The following UBXN2A variants were observed in gnomAD, a reference collection of about 807,000 sequenced individuals.
The protein encoded by UBXN2A is UBX domain protein 2A.
A neutral mutation model predicts 28.4 loss-of-function variants in UBXN2A; 28 were observed. The ratio of observed to expected loss-of-function variants is 0.99; its 90% CI spans 0.73 to 1.35. UBXN2A has a LOEUF of 1.35. Ranked by LOEUF, UBXN2A falls within the 40% of genes most tolerant of loss-of-function variation. The pLI is 0.00. For missense variants in UBXN2A, 253 were observed against 297.9 expected, an observed-to-expected ratio of 0.85 and a Z score of 1.11; for synonymous variants, 97 against 103.6, an observed-to-expected ratio of 0.94 and a Z score of 0.39.
At chr2:23,965,374 G>A (rs1249127249) in intron 2 of UBXN2A, among the ~76,000 whole-genome samples, 1 of 152,178 alleles carries the variant, frequency 6.6e-6, no homozygotes, top group African/African-American at 2.4e-5. Flanking sequence ...TGTTTACCAA[G>A]TTGAGAAAGT....
At position 23,999,710 on chromosome 2, in the gene UBXN2A, G is replaced by A. The variant is rs1708668985; in HGVS notation, c.623G>A (p.Gly208Glu). The A allele has an allele frequency of 6.2e-7, 1 of 1,613,954 alleles. No individual in the cohort carries two copies. Among genetic ancestry groups the A allele is most frequent in the African/African-American group, 1.3e-5 (1 of 74,998 alleles). ...AAAGACTTCATTGAAAAATACCAAG[G>A]ATCTCAAAGAAGTCCTCCGTTTTCC... ...HIKDFIEKYQGSQRSPPFSLA... is the reference protein window; with the variant it reads ...HIKDFIEKYQESQRSPPFSLA... Residue 208 changes from glycine (G) to glutamate (E), a missense_variant, in exon 7 of 7, where the codon GGA (glycine) becomes GAA (glutamate). Transcript: ENST00000309033.
At chr2:23,953,791 T>C (rs1016052204) in intron 1 of UBXN2A, among the ~76,000 whole-genome samples, 1 of 152,230 alleles carries the variant, frequency 6.6e-6, no homozygotes, top group Admixed American at 6.5e-5. Context: ...CATCTGATTA[T>C]GCTCCTTTGT....
intron 2 of UBXN2A, among the ~76,000 whole-genome samples, chr2:23,964,598 G>A (rs1707088471): frequency 6.6e-6 from 1 of 152,160 alleles, no homozygotes; most frequent in South Asian, 2.1e-4. Context: ...GGGGCTAGGG[G>A]AAAGTGAAAA....
intron 4 of UBXN2A, among the ~76,000 whole-genome samples, chr2:23,980,393 A>T (rs1305036982): frequency 6.6e-6 from 1 of 152,142 alleles, no homozygotes; most frequent in Non-Finnish European, 1.5e-5. Context: ...ACCATTTAAC[A>T]TTTCTACCAG....
At chr2:23,988,312 G>T (rs12618362) in intron 6 of UBXN2A, among the ~76,000 whole-genome samples, 1 of 152,044 alleles carries the variant, frequency 6.6e-6, no homozygotes, top group Non-Finnish European at 1.5e-5. Context: ...TCGACTAATA[G>T]ACCCTAATTC....
upstream of UBXN2A, among the ~76,000 whole-genome samples, chr2:23,938,977 T>G (rs1047620129): frequency 6.6e-6 from 1 of 152,230 alleles, no homozygotes; most frequent in African/African-American, 2.4e-5. Flanking sequence ...GCAGTGAGAT[T>G]TGAACTCACC....
chr2:23,973,081 A>G (rs1306696761), intron 3 of UBXN2A, among the ~76,000 whole-genome samples: 1 of 150,442 alleles, frequency 6.6e-6, no homozygotes, highest in East Asian at 2.0e-4. Flanking sequence ...GTGCAATGGC[A>G]CGATCTCAGC....
chr2:23,995,532 A>C (rs1708496130), intron 6 of UBXN2A, among the ~76,000 whole-genome samples: 1 of 151,962 alleles, frequency 6.6e-6, no homozygotes, highest in African/African-American at 2.4e-5. Flanking sequence ...TCTACTAAAA[A>C]TACAAAAAAA....
intron 6 of UBXN2A, 131 bp from the exon 7 acceptor site, chr2:23,999,541 A>C: frequency 9.9e-7 from 1 of 1,007,504 alleles, no homozygotes; most frequent in East Asian, 2.6e-5. Context: ...ACTGCACTGC[A>C]TCCTGGGTGA....
chr2:23,956,837 C>T (rs139475783), intron 1 of UBXN2A, among the ~76,000 whole-genome samples: 3 of 152,288 alleles, frequency 2.0e-5, no homozygotes, highest in African/African-American at 7.2e-5. Flanking sequence ...TCTGGTATGT[C>T]ATTGCTTCCA....
At position 23,992,002 on chromosome 2, in the gene UBXN2A, T is replaced by C. The variant is rs1708372974; in HGVS notation, c.584+7171T>C. 3.9e-5 allele frequency among the ~76,000 whole-genome samples: 6 copies of C among 152,190 alleles called. No homozygotes were observed. In the South Asian group the frequency reaches 1.2e-3, roughly 32 times the overall value. ...TTGTTTTGTTTTTTGAGATGGAGTC[T>C]TGCTCTGTCGCCAGGCTGGAATGCA... On this transcript the variant is annotated intron_variant, in intron 6 of 6. Transcript: ENST00000309033.
At chr2:23,950,962 AGCCACCATGCCTG>A (rs1211802767) in intron 1 of UBXN2A, among the ~76,000 whole-genome samples, 2 of 150,922 alleles carry the variant, frequency 1.3e-5, no homozygotes, top group African/African-American at 2.4e-5. Context: ...TACAGGCATG[AGCCACCATGCCTG>A]GCCTATTCAT....
At chr2:23,985,661 G>A (rs372500560) in intron 6 of UBXN2A, among the ~76,000 whole-genome samples, 3 of 150,792 alleles carry the variant, frequency 2.0e-5, no homozygotes, top group Non-Finnish European at 2.9e-5. Flanking sequence ...GTAGAGTGGC[G>A]CGAGCCACCG....
intron 1 of UBXN2A, among the ~76,000 whole-genome samples, chr2:23,941,308 CTGGCCGGTTGCAGTT>C (rs1705746079): frequency 1.3e-5 from 2 of 152,206 alleles, no homozygotes; most frequent in South Asian, 2.1e-4. Context: ...AGTATGAAGT[CTGGCCGGTTGCAGTT>C]TGTTTTTAGG....
intron 2 of UBXN2A, among the ~76,000 whole-genome samples, chr2:23,965,266 G>T (rs905495638): frequency 6.6e-6 from 1 of 152,128 alleles, no homozygotes; most frequent in Non-Finnish European, 1.5e-5. Flanking sequence ...ATGAGGAATG[G>T]TGAGACGCAG....
At chr2:23,939,867 T>A (rs1048848268), upstream of UBXN2A, among the ~76,000 whole-genome samples, 4 of 152,016 alleles carry the variant, frequency 2.6e-5, no homozygotes, top group African/African-American at 7.2e-5. Flanking sequence ...CCCAGCACAT[T>A]GGGAGACCAA....
chr2:24,004,721 A>AT lies in UBXN2A; in HGVS notation c.*4861dup, dbSNP rs1002427348. On this transcript the variant is annotated 3_prime_UTR_variant, in exon 7 of 7. Coordinates refer to ENST00000309033, the MANE Select transcript of UBXN2A (RefSeq NM_181713.4). ...GTGGTTTATTGGTTAATTACTATGC[A>AT]TTTTTTTCAGTTTAAAAAATAATCT... 5.9e-5 allele frequency: 9 copies of AT among 152,130 alleles called. No individual in the cohort carries two copies. Among genetic ancestry groups the AT allele is most frequent in the Admixed American group, 2.6e-4 (4 of 15,270 alleles). 9.4% of individuals were successfully genotyped at this position (152,130 alleles called of 1,614,324 possible).
At position 23,986,313 on chromosome 2, in the gene UBXN2A, A is replaced by AAAT. The variant is rs762807980; in HGVS notation, c.584+1499_584+1501dup. 2.1e-4 allele frequency among the ~76,000 whole-genome samples: 32 copies of AAAT among 151,824 alleles called. No individual in the cohort carries two copies. In the East Asian group the frequency reaches 5.2e-3, roughly 25 times the overall value. On this transcript the variant is annotated intron_variant, in intron 6 of 6. Transcript: ENST00000309033. ...CGATTGAGCAAGACTCCATCTCAAA[A>AAAT]AATAATAATAATAATAATAGTAATA...
chr2:23,971,466 G>A lies in UBXN2A; in HGVS notation c.180+52G>A, dbSNP rs112761056. 2.1e-4 allele frequency: 300 copies of A among 1,458,090 alleles called. 1 individual carries two copies. In the African/African-American group the frequency reaches 3.7e-3, roughly 18 times the overall value. 90.3% of individuals were successfully genotyped at this position (1,458,090 alleles called of 1,614,324 possible). A position where few individuals can be genotyped will look rare whatever the true frequency, so the allele number is the denominator to read the frequency against. ...TTTCTTTCAGTGTTTCTCAATATAT[G>A]GACCTGTTAGAGGGTCCCTAAGGTC... On this transcript the variant is annotated intron_variant, in intron 3 of 6. Coordinates refer to ENST00000309033, the MANE Select transcript of UBXN2A (RefSeq NM_181713.4).
Sources: allele counts gnomAD v4.1 joint callset (sites outside exome capture counted in the v4.1 genomes callset), GRCh38; gene constraint gnomAD v4.1.1; transcripts MANE v1.5; gene names NCBI Gene and HGNC (gene_info 2026-07-23, HGNC 2026-07-21).